The following CDH13 variants were observed in gnomAD, a reference collection of about 807,000 sequenced individuals.
CDH13 encodes the protein cadherin-13.
Under a neutral mutation model 63.8 loss-of-function variants are expected in CDH13, and 24 were observed. The ratio of observed to expected loss-of-function variants is 0.38; its 90% CI spans 0.27 to 0.53. The LOEUF (loss-of-function observed/expected upper bound fraction) is 0.53, where lower values mean the gene tolerates loss of function less well. CDH13 is among the 20% of genes least tolerant of loss of function. The pLI, the probability that CDH13 is intolerant of heterozygous loss-of-function variation, is 0.85. For missense variants in CDH13, 1,049 were observed against 903.1 expected, an observed-to-expected ratio of 1.16 and a Z score of -2.07; for synonymous variants, 503 against 355.3, an observed-to-expected ratio of 1.42 and a Z score of -4.67.
At chr16:82,935,734 C>T (rs1446869375) in intron 2 of CDH13, among the ~76,000 whole-genome samples, 2 of 152,098 alleles carry the variant, frequency 1.3e-5, no homozygotes, top group Admixed American at 1.3e-4. Context: ...TCATTAGAGT[C>T]TCATAGAAAG....
chr16:83,462,307 G>A (rs967039327), intron 6 of CDH13, among the ~76,000 whole-genome samples: 2 of 152,248 alleles, frequency 1.3e-5, no homozygotes, highest in African/African-American at 2.4e-5. Context: ...ACTTGGGTTC[G>A]AGAGTTTCAC....
intron 8 of CDH13, among the ~76,000 whole-genome samples, chr16:83,630,519 C>G (rs995051198): frequency 6.6e-6 from 1 of 152,184 alleles, no homozygotes. Context: ...AGGTAACAGA[C>G]AAATGGTTGC....
At chr16:83,509,776 A>T (rs1382643929) in intron 7 of CDH13, among the ~76,000 whole-genome samples, 1 of 152,204 alleles carries the variant, frequency 6.6e-6, no homozygotes, top group Non-Finnish European at 1.5e-5. Flanking sequence ...ATTATGAGTC[A>T]AGCATTGGGC....
chr16:83,681,136 C>T (rs534670206), intron 10 of CDH13, among the ~76,000 whole-genome samples: 2 of 152,112 alleles, frequency 1.3e-5, no homozygotes, highest in East Asian at 3.9e-4. Context: ...GGTGCCTGAG[C>T]CTGCCACAGA....
At chr16:83,666,396 A>G (rs922710050) in intron 8 of CDH13, among the ~76,000 whole-genome samples, 13 of 152,254 alleles carry the variant, frequency 8.5e-5, no homozygotes, top group African/African-American at 3.1e-4. Flanking sequence ...AATGGGCTTA[A>G]CAAATACTAT....
In CDH13 at chr16:83,443,268, G is replaced by A. The variant is rs113286162; in HGVS notation, c.782-43209G>A. On this transcript the variant is annotated intron_variant, in intron 6 of 13. Coordinates refer to ENST00000567109, the MANE Select transcript of CDH13 (RefSeq NM_001257.5). ...TTTTTGCTGCTTCACCCCTGGGGAG[G>A]CCACGCCTCTGAGAAAGAGGCTGGG... 9.3e-3 allele frequency among the ~76,000 whole-genome samples: 1,413 copies of A among 152,268 alleles called. 6 individuals carry two copies. Among genetic ancestry groups the A allele is most frequent in the Middle Eastern group, 0.027 (8 of 294 alleles).
At chr16:82,842,139 CACATATATATATATAT>C (rs2039052700) in intron 1 of CDH13, among the ~76,000 whole-genome samples, 1 of 57,128 alleles carries the variant, frequency 1.8e-5, no homozygotes, top group Non-Finnish European at 3.6e-5. Flanking sequence ...TATATATATA[CACATATATATATATAT>C]ATATATATAC....
chr16:83,025,131 C>T (rs1264312304), intron 2 of CDH13, among the ~76,000 whole-genome samples: 1 of 152,326 alleles, frequency 6.6e-6, no homozygotes, highest in East Asian at 1.9e-4. Flanking sequence ...TGATCATTCT[C>T]ATTCATGGAG....
chr16:83,487,611 G>T (rs1476151170), intron 7 of CDH13, among the ~76,000 whole-genome samples: 1 of 152,100 alleles, frequency 6.6e-6, no homozygotes, highest in Non-Finnish European at 1.5e-5. Flanking sequence ...CCAACTCGTG[G>T]ATTCCTACCC....
At chr16:83,740,264 G>A (rs1911935296) in intron 10 of CDH13, among the ~76,000 whole-genome samples, 1 of 151,920 alleles carries the variant, frequency 6.6e-6, no homozygotes, top group Non-Finnish European at 1.5e-5. Flanking sequence ...TATACCCCAT[G>A]GGAAGTCATT....
chr16:82,651,259 C>G (rs1910690315), intron 1 of CDH13, among the ~76,000 whole-genome samples: 1 of 152,228 alleles, frequency 6.6e-6, no homozygotes, highest in Non-Finnish European at 1.5e-5. Context: ...CAGCTAAGTA[C>G]TTTCACATGT....
At chr16:83,036,689 C>G (rs566057094) in intron 3 of CDH13, among the ~76,000 whole-genome samples, 1 of 152,170 alleles carries the variant, frequency 6.6e-6, no homozygotes, top group African/African-American at 2.4e-5. Context: ...CTGGCTCCCA[C>G]TCTGCATCCC....
At chr16:83,647,361 T>C (rs1911927976) in intron 8 of CDH13, among the ~76,000 whole-genome samples, 1 of 151,918 alleles carries the variant, frequency 6.6e-6, no homozygotes, top group East Asian at 1.9e-4. Context: ...TTACCCTACC[T>C]GTAGGAAGTA....
intron 10 of CDH13, among the ~76,000 whole-genome samples, chr16:83,682,439 C>A (rs1915484660): frequency 6.6e-6 from 1 of 152,098 alleles, no homozygotes; most frequent in Non-Finnish European, 1.5e-5. Context: ...GTGTTTTTCA[C>A]AATTATGATG....
chr16:83,140,287 C>G (rs9922449), intron 4 of CDH13, among the ~76,000 whole-genome samples: 42,115 of 152,020 alleles, frequency 0.28, 6,477 homozygotes, highest in African/African-American at 0.41. Context: ...TGTGCTCATG[C>G]ATTTTCCACT....
At chr16:83,533,853 C>T (rs7202147) in intron 7 of CDH13, among the ~76,000 whole-genome samples, 57,285 of 151,716 alleles carry the variant, frequency 0.38, 12,201 homozygotes, top group Non-Finnish European at 0.47. Flanking sequence ...ACTCCTGACC[C>T]CAAGTGATCC....
chr16:83,489,478 C>T lies in CDH13; in HGVS notation c.960+2823C>T, dbSNP rs543322359. Among the ~76,000 whole-genome samples the T allele has an allele frequency of 8.1e-4, 124 of 152,236 alleles. 1 individual carries two copies. Among genetic ancestry groups the T allele is most frequent in the Middle Eastern group, 6.8e-3 (2 of 294 alleles). On this transcript the variant is annotated intron_variant, in intron 7 of 13. Coordinates refer to ENST00000567109, the MANE Select transcript of CDH13 (RefSeq NM_001257.5). ...GTGCAATCCAAAGGAAAGAAATGTC[C>T]CTAAATTTAGGCAAGCTTTGGCTAG... is the stretch of plus-strand genomic sequence containing the variant.
intron 3 of CDH13, among the ~76,000 whole-genome samples, chr16:83,058,199 C>G (rs2031150761): frequency 6.6e-6 from 1 of 152,104 alleles, no homozygotes; most frequent in Non-Finnish European, 1.5e-5. Flanking sequence ...TAGCCCCTCT[C>G]CTTTGTGAGG....
chr16:83,604,756 G>T lies in CDH13; in HGVS notation c.1101+2162G>T, dbSNP rs1862728. Among the ~76,000 whole-genome samples the T allele has an allele frequency of 6.6e-5, 10 of 152,030 alleles. No individual in the cohort carries two copies. In the South Asian group the frequency reaches 2.1e-3, roughly 32 times the overall value. ...TTGTAATATTCAATATAAACTTAAC[G>T]ATGGGAACAAAAATAGGATAACCCC... is the stretch of plus-strand genomic sequence containing the variant. On this transcript the variant is annotated intron_variant, in intron 8 of 13. Coordinates refer to ENST00000567109, the MANE Select transcript of CDH13 (RefSeq NM_001257.5).
Sources: allele counts gnomAD v4.1 joint callset (sites outside exome capture counted in the v4.1 genomes callset), GRCh38; gene constraint gnomAD v4.1.1; transcripts MANE v1.5; gene names NCBI Gene and HGNC (gene_info 2026-07-23, HGNC 2026-07-21).